TBC1D5: variants seen among roughly 807,000 people sequenced by gnomAD.
The protein encoded by TBC1D5 is TBC1 domain family, member 5.
Under a neutral mutation model 100.3 loss-of-function variants are expected in TBC1D5, and 75 were observed. That is an observed-to-expected ratio of 0.75 (90% CI 0.62 to 0.91). The LOEUF is 0.91. Ranked by LOEUF, TBC1D5 falls within the 40% of genes least tolerant of loss-of-function variation. The pLI, the probability that TBC1D5 is intolerant of heterozygous loss-of-function variation, is 0.00. For synonymous variants in TBC1D5, 323 were observed against 325.6 expected, an observed-to-expected ratio of 0.99 and a Z score of 0.09; for missense variants, 910 against 942.4, an observed-to-expected ratio of 0.97 and a Z score of 0.45.
chr3:17,490,651 C>A (rs964811586), intron 3 of TBC1D5, among the ~76,000 whole-genome samples: 1 of 152,026 alleles, frequency 6.6e-6, no homozygotes, highest in African/African-American at 2.4e-5. Flanking sequence ...TCTGAGTTCT[C>A]TATTCTGTTC....
intron 13 of TBC1D5, among the ~76,000 whole-genome samples, chr3:17,319,334 C>T (rs1234408199): frequency 6.6e-6 from 1 of 152,148 alleles, no homozygotes; most frequent in Non-Finnish European, 1.5e-5. Flanking sequence ...GCTCTCTGAC[C>T]ATAGCCTCGT....
At chr3:17,348,332 C>T (rs765206220) in intron 13 of TBC1D5, among the ~76,000 whole-genome samples, 15 of 152,092 alleles carry the variant, frequency 9.9e-5, no homozygotes, top group Non-Finnish European at 1.9e-4. Context: ...ATTAAGCAAG[C>T]GATTCTCCAT....
chr3:17,442,911 G>A (rs1440265866), intron 3 of TBC1D5, among the ~76,000 whole-genome samples: 1 of 151,850 alleles, frequency 6.6e-6, no homozygotes, highest in Non-Finnish European at 1.5e-5. Context: ...CAAGGGAAGT[G>A]GGAGGGGAGG....
intron 1 of TBC1D5, among the ~76,000 whole-genome samples, chr3:17,707,529 G>A (rs2074297999): frequency 6.6e-6 from 1 of 151,916 alleles, no homozygotes; most frequent in African/African-American, 2.4e-5. Context: ...AAAATCAATG[G>A]AACAAAATGT....
chr3:17,705,914 G>T (rs952527688), intron 1 of TBC1D5: 1 of 932,372 alleles, frequency 1.1e-6, no homozygotes, highest in Non-Finnish European at 1.6e-6. Context: ...CCTTGCCCTC[G>T]GGCCCGCGGG....
intron 2 of TBC1D5, among the ~76,000 whole-genome samples, chr3:17,589,976 A>T (rs539456817): frequency 1.7e-4 from 26 of 152,290 alleles, no homozygotes; most frequent in South Asian, 6.2e-4. Flanking sequence ...TTGAAATGGG[A>T]TCTGAAAGGT....
At chr3:17,380,630 T>C (rs181524432) in intron 9 of TBC1D5, among the ~76,000 whole-genome samples, 217 of 152,204 alleles carry the variant, frequency 1.4e-3, no homozygotes, top group African/African-American at 5.0e-3. Context: ...TGCTAGATTG[T>C]TAGTAGTCAC....
At chr3:17,352,481 C>T (rs1177962900) in intron 13 of TBC1D5, among the ~76,000 whole-genome samples, 1 of 151,444 alleles carries the variant, frequency 6.6e-6, no homozygotes, top group Non-Finnish European at 1.5e-5. Context: ...TACTCTATCC[C>T]ACACTAGATT....
chr3:17,296,389 C>T (rs2082260380), intron 14 of TBC1D5, among the ~76,000 whole-genome samples: 2 of 152,138 alleles, frequency 1.3e-5, no homozygotes, highest in Non-Finnish European at 1.5e-5. Context: ...TTGTTGAGAG[C>T]CTACTACATG....
At chr3:17,228,964 T>C (rs937430322) in intron 17 of TBC1D5, among the ~76,000 whole-genome samples, 13 of 152,066 alleles carry the variant, frequency 8.5e-5, no homozygotes, top group African/African-American at 2.9e-4. Flanking sequence ...TCCTACCATG[T>C]CCCATGAATA....
intron 1 of TBC1D5, among the ~76,000 whole-genome samples, chr3:17,694,327 G>A (rs1306754347): frequency 2.6e-5 from 4 of 152,164 alleles, no homozygotes; most frequent in East Asian, 1.9e-4. Flanking sequence ...TGAACACATC[G>A]CAAGGAAGCT....
intron 13 of TBC1D5, among the ~76,000 whole-genome samples, chr3:17,347,802 C>T (rs926452882): frequency 6.6e-6 from 1 of 152,156 alleles, no homozygotes; most frequent in Non-Finnish European, 1.5e-5. Context: ...GGCTTGAGAT[C>T]AGCCTGGGCA....
At chr3:17,230,157 C>T (rs2075289720) in intron 17 of TBC1D5, among the ~76,000 whole-genome samples, 1 of 151,870 alleles carries the variant, frequency 6.6e-6, no homozygotes, top group Non-Finnish European at 1.5e-5. Flanking sequence ...TGGTATCTTC[C>T]CTCACTCTTG....
chr3:17,300,476 A>G (rs1316309239), intron 14 of TBC1D5, among the ~76,000 whole-genome samples: 1 of 152,240 alleles, frequency 6.6e-6, no homozygotes, highest in Admixed American at 6.5e-5. Context: ...GACAGAGGGA[A>G]ATACTGGCAG....
upstream of TBC1D5, chr3:17,741,039 C>A (rs905520266): frequency 6.6e-6 from 1 of 150,616 alleles, no homozygotes; most frequent in African/African-American, 2.5e-5. Flanking sequence ...CACCTCTACA[C>A]CCGGGGGTGA....
chr3:17,655,741 C>T (rs1199343848), intron 1 of TBC1D5, among the ~76,000 whole-genome samples: 2 of 152,016 alleles, frequency 1.3e-5, no homozygotes, highest in African/African-American at 4.8e-5. Context: ...AAAAAAAATC[C>T]GAATTCCAAA....
intron 3 of TBC1D5, among the ~76,000 whole-genome samples, chr3:17,449,921 C>T (rs577956204): frequency 1.1e-4 from 16 of 152,284 alleles, no homozygotes; most frequent in African/African-American, 2.9e-4. Context: ...CCCTGATCCC[C>T]GTGCCTCCTG....
Position 17,461,129 on chromosome 3 carries a change from G to T in TBC1D5, c.98-32610C>A, listed in dbSNP as rs577638022. ...AACATCCTACTGTAAGTTGATTCCA[G>T]CACAGTATATGACAAGTCAGTATAA... On this transcript the variant is annotated intron_variant, in intron 3 of 21. Coordinates refer to ENST00000253692, the Ensembl canonical transcript of TBC1D5. 3.5e-3 allele frequency among the ~76,000 whole-genome samples: 529 copies of T among 152,214 alleles called. 4 individuals are homozygous for T. The highest frequency in any genetic ancestry group is 0.012 in the African/African-American group (501 of 41,518).
At chr3:17,602,384 C>T (rs1046099801) in intron 2 of TBC1D5, among the ~76,000 whole-genome samples, 2 of 151,926 alleles carry the variant, frequency 1.3e-5, no homozygotes, top group African/African-American at 2.4e-5. Context: ...ATCTTCACTC[C>T]GAAATACACG....
Sources: allele counts gnomAD v4.1 joint callset (sites outside exome capture counted in the v4.1 genomes callset), GRCh38; gene constraint gnomAD v4.1.1; transcripts MANE v1.5; gene names NCBI Gene and HGNC (gene_info 2026-07-23, HGNC 2026-07-21).